The following MICU2 variants were observed in gnomAD, a reference collection of about 807,000 sequenced individuals.
MICU2 encodes the protein calcium uptake protein 2, mitochondrial.
MICU2 carries 64 observed loss-of-function variants against 60.4 expected under a neutral mutation model. The ratio of observed to expected loss-of-function variants is 1.06; its 90% confidence interval spans 0.87 to 1.31. The LOEUF is 1.31. MICU2 is among the 50% of genes most tolerant of loss of function. The pLI, the probability that MICU2 is intolerant of heterozygous loss-of-function variation, is 0.00. For synonymous variants in MICU2, 201 were observed against 175.0 expected (o/e 1.15, Z -1.17); for missense variants, 569 against 531.0 (o/e 1.07, Z -0.70).
chr13:21,557,373 T>C (rs1347892550), intron 2 of MICU2, among the ~76,000 whole-genome samples: 1 of 152,158 alleles, frequency 6.6e-6, no homozygotes, highest in African/African-American at 2.4e-5. Flanking sequence ...AAGCTAGGTC[T>C]CAAAGCAGCA....
At chr13:21,595,216 C>T (rs1307741527) in intron 1 of MICU2, among the ~76,000 whole-genome samples, 1 of 152,338 alleles carries the variant, frequency 6.6e-6, no homozygotes, top group East Asian at 1.9e-4. Flanking sequence ...CTAAAATCCA[C>T]ACTTCTTTGC....
chr13:21,544,608 G>A (rs551876687), intron 2 of MICU2, among the ~76,000 whole-genome samples: 1 of 151,270 alleles, frequency 6.6e-6, no homozygotes, highest in South Asian at 2.1e-4. Context: ...AGTTATGATG[G>A]CTATTAGCAA....
chr13:21,582,961 T>C (rs1163983476), intron 1 of MICU2: 2 of 161,106 alleles, frequency 1.2e-5, no homozygotes, highest in South Asian at 1.8e-4. Flanking sequence ...TCGAGTGCTA[T>C]TTCTTTTGCA....
chr13:21,511,394 ATC>A (rs766148090), intron 7 of MICU2, among the ~76,000 whole-genome samples: 7 of 152,180 alleles, frequency 4.6e-5, no homozygotes, highest in Non-Finnish European at 1.0e-4. Context: ...AAAAGAACAA[ATC>A]AGGTAAAAGG....
At chr13:21,509,226 C>CTA (rs1886368093) in intron 8 of MICU2, among the ~76,000 whole-genome samples, 2 of 152,122 alleles carry the variant, frequency 1.3e-5, no homozygotes, top group African/African-American at 4.8e-5. Flanking sequence ...AGACAGGACA[C>CTA]TGTATTTTAA....
At chr13:21,558,226 C>A (rs1887755449) in intron 2 of MICU2, among the ~76,000 whole-genome samples, 1 of 152,138 alleles carries the variant, frequency 6.6e-6, no homozygotes, top group Non-Finnish European at 1.5e-5. Context: ...CTCAGGGAGG[C>A]AGTTTTGGGT....
chr13:21,567,232 G>C (rs1888006912), intron 1 of MICU2, among the ~76,000 whole-genome samples: 1 of 152,164 alleles, frequency 6.6e-6, no homozygotes, highest in Non-Finnish European at 1.5e-5. Flanking sequence ...ATATAAAGCA[G>C]GATAAGAAAG....
intron 6 of MICU2, among the ~76,000 whole-genome samples, chr13:21,517,369 TA>T (rs1225676688): frequency 2.0e-5 from 3 of 152,226 alleles, no homozygotes; most frequent in Non-Finnish European, 2.9e-5. Flanking sequence ...GAGCAATAAA[TA>T]AAATCTACTA....
chr13:21,554,539 A>G (rs148032640), intron 2 of MICU2, among the ~76,000 whole-genome samples: 3,830 of 152,282 alleles, frequency 0.025, 160 homozygotes, highest in African/African-American at 0.088. Flanking sequence ...AGCAGTGTGT[A>G]GAGGGAAATT....
chr13:21,502,037 T>C (rs1245076912), intron 9 of MICU2, among the ~76,000 whole-genome samples: 1 of 152,230 alleles, frequency 6.6e-6, no homozygotes, highest in African/African-American at 2.4e-5. Context: ...ATAGACTAAC[T>C]GAAGACAGAA....
At chr13:21,590,626 C>T (rs1464967994) in intron 1 of MICU2, among the ~76,000 whole-genome samples, 1 of 152,166 alleles carries the variant, frequency 6.6e-6, no homozygotes, top group Non-Finnish European at 1.5e-5. Flanking sequence ...CCTGTAATCC[C>T]AGCACTTTGG....
chr13:21,564,221 G>A (rs1222407710), intron 2 of MICU2, among the ~76,000 whole-genome samples: 2 of 152,058 alleles, frequency 1.3e-5, no homozygotes, highest in Admixed American at 1.3e-4. Context: ...AGCATGCCTT[G>A]TGACTTTTTT....
chr13:21,510,736 G>C lies in MICU2; in HGVS notation c.664-635C>G, dbSNP rs112420547. On this transcript the variant is annotated intron_variant, in intron 7 of 11. Transcript: ENST00000382374. Reference sequence around the variant, plus strand: ...GTAGACTCAGGTGTGGGATCGTCTAGCATGTCTCCTAATCCTACCACCACC... The same window carrying C: ...GTAGACTCAGGTGTGGGATCGTCTACCATGTCTCCTAATCCTACCACCACC... Among the ~76,000 whole-genome samples, 545 of 152,242 alleles carry C rather than the reference G, an allele frequency of 3.6e-3. 6 individuals carry two copies. The highest frequency in any genetic ancestry group is 4.1e-3 in the Non-Finnish European group (277 of 68,024).
At chr13:21,528,915 A>G (rs1334040396) in intron 4 of MICU2, among the ~76,000 whole-genome samples, 1 of 152,196 alleles carries the variant, frequency 6.6e-6, no homozygotes, top group Non-Finnish European at 1.5e-5. Flanking sequence ...CAGAGAGTAG[A>G]GGGAGAGAGA....
intron 2 of MICU2, among the ~76,000 whole-genome samples, chr13:21,541,233 T>C (rs921802377): frequency 6.6e-6 from 1 of 151,952 alleles, no homozygotes; most frequent in Non-Finnish European, 1.5e-5. Flanking sequence ...GATTCCTTTT[T>C]GGTCTTTCAA....
At chr13:21,586,420 T>C (rs898669725) in intron 1 of MICU2, among the ~76,000 whole-genome samples, 6 of 152,212 alleles carry the variant, frequency 3.9e-5, no homozygotes, top group Non-Finnish European at 8.8e-5. Flanking sequence ...TTTGTTTGTT[T>C]TTTTAAAGAT....
intron 7 of MICU2, among the ~76,000 whole-genome samples, chr13:21,510,492 A>ATTCC (rs1886399520): frequency 6.6e-6 from 1 of 152,252 alleles, no homozygotes; most frequent in African/African-American, 2.4e-5. Flanking sequence ...TGAATGTTGG[A>ATTCC]AATACTTGGA....
chr13:21,545,630 G>A (rs998767040), intron 2 of MICU2, among the ~76,000 whole-genome samples: 42 of 150,994 alleles, frequency 2.8e-4, no homozygotes, highest in South Asian at 2.1e-4. Context: ...GCTGTGAGCC[G>A]AGACCACACC....
chr13:21,553,841 A>G, intron 2 of MICU2, among the ~76,000 whole-genome samples: 1 of 152,182 alleles, frequency 6.6e-6, no homozygotes, highest in Non-Finnish European at 1.5e-5. Context: ...AGGAAGATCT[A>G]TCAAGCAAAT....
Sources: gnomAD v4.1 joint callset for allele counts (sites outside exome capture counted in the v4.1 genomes callset) on GRCh38, gnomAD v4.1.1 for gene constraint, MANE v1.5 for transcripts, NCBI Gene and HGNC (gene_info 2026-07-23, HGNC 2026-07-21) for gene names.